SND1: variants seen among roughly 807,000 people sequenced by gnomAD.
SND1 encodes staphylococcal nuclease domain-containing protein 1.
In SND1, 38 loss-of-function variants were observed where a neutral mutation model predicts 121.7. The observed-to-expected ratio is 0.31, with a 90% CI of 0.24 to 0.41. The LOEUF (loss-of-function observed/expected upper bound fraction) is 0.41, where lower values mean the gene tolerates loss of function less well. Among genes scored for constraint, SND1 ranks in the 10% least tolerant of loss-of-function variants. The pLI is 1.00. For synonymous variants in SND1, 401 were observed against 447.4 expected (o/e 0.90, Z 1.31); for missense variants, 868 against 1,184.6 (o/e 0.73, Z 3.92).
At chr7:127,793,310 C>T (rs555477879) in intron 10 of SND1, among the ~76,000 whole-genome samples, 46 of 152,226 alleles carry the variant, frequency 3.0e-4, no homozygotes, top group Admixed American at 2.6e-3. Flanking sequence ...TATGTGATAT[C>T]GGGCGTGTTA....
chr7:127,680,554 A>G (rs1184330711), intron 1 of SND1, among the ~76,000 whole-genome samples: 2 of 151,952 alleles, frequency 1.3e-5, no homozygotes, highest in African/African-American at 4.8e-5. Flanking sequence ...TATTTCTCCT[A>G]TTTACTTTTG....
At chr7:127,680,090 G>A (rs60256957) in intron 1 of SND1, among the ~76,000 whole-genome samples, 2,607 of 152,200 alleles carry the variant, frequency 0.017, 92 homozygotes, top group African/African-American at 0.06. Flanking sequence ...GTCACATGTC[G>A]GTAGGTTCCG....
chr7:127,772,760 A>G (rs1797537857), intron 10 of SND1, among the ~76,000 whole-genome samples: 1 of 152,192 alleles, frequency 6.6e-6, no homozygotes, highest in African/African-American at 2.4e-5. Context: ...CTATCTTGCA[A>G]GCAAATCTTA....
At chr7:127,876,977 T>G (rs1269467682) in intron 12 of SND1, among the ~76,000 whole-genome samples, 1 of 152,178 alleles carries the variant, frequency 6.6e-6, no homozygotes, top group African/African-American at 2.4e-5. Context: ...AGATGGACAT[T>G]GTTTTATTAC....
intron 12 of SND1, among the ~76,000 whole-genome samples, chr7:127,851,539 A>G (rs1451717970): frequency 6.6e-6 from 1 of 151,660 alleles, no homozygotes; most frequent in Non-Finnish European, 1.5e-5. Context: ...ATTCATCCAC[A>G]CTCTCTTGTT....
At chr7:128,071,054 C>CT (rs1319720580) in intron 16 of SND1, among the ~76,000 whole-genome samples, 156 of 152,260 alleles carry the variant, frequency 1.0e-3, no homozygotes, top group African/African-American at 3.7e-3. Context: ...ATTTTTCATG[C>CT]TTTTTGTTGG....
At chr7:127,673,436 C>G (rs1045451297) in intron 1 of SND1, among the ~76,000 whole-genome samples, 2 of 152,000 alleles carry the variant, frequency 1.3e-5, no homozygotes, top group Admixed American at 6.6e-5. Context: ...CTTAGCCTCT[C>G]GAGTAGCTGG....
chr7:128,036,042 G>A (rs1792743892), intron 16 of SND1, among the ~76,000 whole-genome samples: 1 of 152,138 alleles, frequency 6.6e-6, no homozygotes, highest in Admixed American at 6.5e-5. Flanking sequence ...CAGGAGCAAA[G>A]ACATAAAAGG....
intron 2 of SND1, 164 bp downstream of exon 2, chr7:127,686,926 T>A: frequency 1.4e-6 from 1 of 713,878 alleles, no homozygotes; most frequent in Non-Finnish European, 2.2e-6. Context: ...GTATCTGTTG[T>A]TTATATGTTT....
intron 10 of SND1, among the ~76,000 whole-genome samples, chr7:127,759,907 T>C (rs1302549381): frequency 6.6e-6 from 1 of 152,220 alleles, no homozygotes; most frequent in South Asian, 2.1e-4. Flanking sequence ...TGTAACAAAC[T>C]GTCGCATTTC....
intron 15 of SND1, among the ~76,000 whole-genome samples, chr7:127,959,178 A>G (rs897739602): frequency 6.6e-6 from 1 of 152,068 alleles, no homozygotes; most frequent in African/African-American, 2.4e-5. Flanking sequence ...TGTGTGCTCT[A>G]TGTCTTTACT....
At chr7:128,066,415 G>GA (rs1793315229) in intron 16 of SND1, among the ~76,000 whole-genome samples, 1 of 152,242 alleles carries the variant, frequency 6.6e-6, no homozygotes, top group Non-Finnish European at 1.5e-5. Flanking sequence ...GGCTGCGCTT[G>GA]AAAGAGTTAC....
chr7:127,678,159 A>G (rs988095544), intron 1 of SND1, among the ~76,000 whole-genome samples: 3 of 152,294 alleles, frequency 2.0e-5, no homozygotes, highest in East Asian at 1.9e-4. Context: ...GCTTGTTTGT[A>G]TGTGTGGCAT....
At chr7:127,723,208 G>C (rs764864748) in intron 10 of SND1, among the ~76,000 whole-genome samples, 12 of 152,122 alleles carry the variant, frequency 7.9e-5, no homozygotes, top group African/African-American at 2.9e-4. Context: ...ACCTACTACT[G>C]AGTATTTTTA....
At chr7:127,852,507 A>AT (rs1359643884) in intron 12 of SND1, among the ~76,000 whole-genome samples, 4 of 149,154 alleles carry the variant, frequency 2.7e-5, no homozygotes, top group Non-Finnish European at 5.9e-5. Flanking sequence ...AAAAAAAAAA[A>AT]GAAAAAAGGG....
At chr7:127,759,998 C>T (rs79632105) in intron 10 of SND1, among the ~76,000 whole-genome samples, 2,478 of 152,328 alleles carry the variant, frequency 0.016, 31 homozygotes, top group Non-Finnish European at 0.023. Context: ...GGGCAACCTG[C>T]TCGACATACT....
intron 15 of SND1, among the ~76,000 whole-genome samples, chr7:127,941,911 TTA>T (rs1491371560): frequency 1.4e-3 from 198 of 146,114 alleles, no homozygotes; most frequent in African/African-American, 2.6e-3. Flanking sequence ...TTTTTTTTTT[TTA>T]AATTTTCCAA....
intron 11 of SND1, among the ~76,000 whole-genome samples, chr7:127,837,924 C>G (rs541879681): frequency 1.3e-5 from 2 of 152,268 alleles, no homozygotes; most frequent in African/African-American, 4.8e-5. Context: ...GGGTGCGACT[C>G]CTGGATGGAG....
chr7:127,706,393 A>G (rs1796200228), intron 8 of SND1, among the ~76,000 whole-genome samples: 1 of 151,754 alleles, frequency 6.6e-6, no homozygotes, highest in Non-Finnish European at 1.5e-5. Context: ...AGTAGCTGGG[A>G]CTACAGGCGC....
Sources: allele counts gnomAD v4.1 joint callset (sites outside exome capture counted in the v4.1 genomes callset), GRCh38; gene constraint gnomAD v4.1.1; transcripts MANE v1.5; gene names NCBI Gene and HGNC (gene_info 2026-07-23, HGNC 2026-07-21).